The following AQP5 variants were observed in gnomAD, a reference collection of about 807,000 sequenced individuals.
AQP5 encodes the protein aquaporin-5.
Under a neutral mutation model 19.1 loss-of-function variants are expected in AQP5, and 15 were observed. That is an observed-to-expected ratio of 0.79 (90% CI 0.53 to 1.21). The LOEUF is 1.21. Among genes scored for constraint, AQP5 ranks in the 50% most tolerant of loss-of-function variants. The pLI is 0.00. For missense variants in AQP5, 355 were observed against 357.1 expected (o/e 0.99, Z 0.05); for synonymous variants, 182 against 160.3 (o/e 1.14, Z -1.02).
chr12:49,965,273 C>T lies in AQP5; in HGVS notation c.*96C>T. The T allele has an allele frequency of 7.2e-7, 1 of 1,379,558 alleles. No homozygotes were observed. Among genetic ancestry groups the T allele is most frequent in the Non-Finnish European group, 9.5e-7 (1 of 1,047,194 alleles). 85.5% of individuals were successfully genotyped at this position (1,379,558 alleles called of 1,614,324 possible). On this transcript the variant is annotated 3_prime_UTR_variant, in exon 4 of 4. Transcript: ENST00000293599. The stretch of plus-strand genomic sequence containing the variant: ...AAGCTTCCTTTTTGCACAACCGGTC[C>T]TCTTGGCTGAGGAGGAGGAGCTGGT...
rs893418812 is a variant in AQP5 at position 49,963,485 on chromosome 12, C to T, written c.364-7C>T. 1.2e-6 allele frequency: 2 copies of T among 1,613,538 alleles called. No homozygotes were observed. The highest frequency in any genetic ancestry group is 1.7e-5 in the Admixed American group (1 of 60,026). On this transcript the variant is annotated splice_polypyrimidine_tract_variant and splice_region_variant and intron_variant, in intron 1 of 3. Transcript: ENST00000293599. ...GGCCGGGGTCCTAACCCGCTATCCC[C>T]TTGCAGCTCAACAACAACACAACGC...
rs762076378 is a variant in AQP5 at position 49,962,073 on chromosome 12, T to G, written c.56T>G (p.Leu19Trp). 6.2e-7 allele frequency: 1 copy of G among 1,612,478 alleles called. No homozygotes were observed. The highest frequency in any genetic ancestry group is 8.5e-7 in the Non-Finnish European group (1 of 1,178,928). Residue 19 changes from leucine to tryptophan, a missense_variant, in exon 1 of 4, where the codon TTG becomes TGG. Physicochemically the swap from Leu to Trp is moderately conservative, Grantham distance 61. Coordinates refer to ENST00000293599, the MANE Select transcript of AQP5 (RefSeq NM_001651.4). ...CTCAAGGCCGTGTTCGCAGAGTTCT[T>G]GGCCACCCTCATCTTCGTCTTCTTT... ...AFLKAVFAEF[L>W]ATLIFVFFGL... is the part of the protein sequence containing the mutation.
Position 49,965,063 on chromosome 12 carries a change from C to G in AQP5, c.684C>G (p.Asn228Lys). 1 of 1,614,090 alleles carries G rather than the reference C, an allele frequency of 6.2e-7. No individual in the cohort carries two copies. The highest frequency in any genetic ancestry group is 2.2e-5 in the East Asian group (1 of 44,864). The change falls in exon 4 of 4, where the codon AAC (asparagine) becomes AAG (lysine). Residue 228 changes from asparagine to lysine, a missense_variant. Coordinates refer to ENST00000293599, the MANE Select transcript of AQP5 (RefSeq NM_001651.4). The part of the protein sequence containing the change: ...AILYFYLLFP[N>K]SLSLSERVAI... ...TTTACTTCTACCTGCTCTTCCCCAA[C>G]TCCCTGAGCCTGAGTGAGCGTGTGG... is the stretch of plus-strand genomic sequence containing the variant.
rs139421403 is a variant in AQP5, at chr12:49,965,146, G to A, written c.767G>A (p.Arg256Gln). Residue 256 changes from arginine (R) to glutamine (Q), a missense_variant, in exon 4 of 4, where the codon CGG (arginine) becomes CAG (glutamine). By Grantham distance (43) the Arg-to-Gln change is conservative. Coordinates refer to ENST00000293599, the MANE Select transcript of AQP5 (RefSeq NM_001651.4). ...GACTGGGAGGAGCAGCGGGAAGAGC[G>A]GAAGAAGACCATGGAGCTGACCACC... ...DEDWEEQREE[R>Q]KKTMELTTR is the part of the protein sequence containing the mutation. The A allele has an allele frequency of 6.1e-4, 991 of 1,613,106 alleles. 9 individuals are homozygous for A. The highest frequency in any genetic ancestry group is 6.5e-4 in the East Asian group (29 of 44,868).
Position 49,961,889 on chromosome 12 carries a change from G to A in AQP5, c.-129G>A. On this transcript the variant is annotated 5_prime_UTR_variant, in exon 1 of 4. In the 5' UTR this introduces an upstream ATG that the reference lacks. Transcript: ENST00000293599. ...CCCGCGCCAGGCCGCCAGCCTCGGA[G>A]TGGGCGCGGGACAGTGCGCGGCGCC... The A allele has an allele frequency of 4.8e-6, 2 of 420,614 alleles. No individual in the cohort carries two copies. The highest frequency in any genetic ancestry group is 6.6e-6 in the Non-Finnish European group (2 of 303,276). 26.1% of individuals were successfully genotyped at this position (420,614 alleles called of 1,614,324 possible). A position where few individuals can be genotyped will look rare whatever the true frequency, so the allele number is the denominator to read the frequency against.
At chr12:49,963,910 G>T (rs1275906012) in intron 2 of AQP5, 182 bp from the exon 3 acceptor site, 1 of 752,378 alleles carries the variant, frequency 1.3e-6, no homozygotes, top group Non-Finnish European at 2.1e-6. Flanking sequence ...AGAGAAGAGA[G>T]GAGGGCGTAG....
intron 1 of AQP5, 154 bp downstream of exon 1, chr12:49,962,534 T>TCCCAAGGCCAGGAAGGCAGGAGC (rs1262546880): frequency 1.0e-6 from 1 of 974,746 alleles, no homozygotes; most frequent in African/African-American, 1.7e-5. Context: ...GGAAGGCAAC[T>TCCCAAGGCCAGGAAGGCAGGAGC]CTCCAGGCTG....
intron 3 of AQP5, 52 bp from the exon 4 acceptor site, chr12:49,964,940 G>A (rs1241404030): frequency 3.8e-6 from 6 of 1,571,262 alleles, no homozygotes; most frequent in Non-Finnish European, 5.2e-6. Context: ...GGGGGCATGT[G>A]GTCTTCAAGG....
At position 49,962,023 on chromosome 12, in the gene AQP5, G is replaced by A. The variant is rs1947428637; in HGVS notation, c.6G>A (p.Lys2=). ...GCCGGGCCCCCGCGGCCACCATGAA[G>A]AAGGAGGTGTGCTCCGTGGCCTTCC... M[K]KEVCSVAFLK... The change falls in exon 1 of 4, where the codon AAG becomes AAA. Residue 2 remains lysine, a synonymous_variant. Transcript: ENST00000293599. 2 of 1,490,796 alleles carry A rather than the reference G, an allele frequency of 1.3e-6. No individual in the cohort carries two copies. The highest frequency in any genetic ancestry group is 2.6e-5 in the East Asian group (1 of 38,080). The allele number at this position is 1,490,796 out of a possible 1,614,324, so 92.3% of individuals were successfully genotyped here.
chr12:49,964,044 A>G (rs891401654), intron 2 of AQP5, 48 bp from the exon 3 acceptor site: 21 of 1,540,006 alleles, frequency 1.4e-5, no homozygotes, highest in Non-Finnish European at 1.9e-5. Flanking sequence ...ATTCTGTGGG[A>G]GTGGACCAGG....
At chr12:49,964,957 G>A (rs1167809373) in intron 3 of AQP5, 35 bp from the exon 4 acceptor site, 3 of 1,593,354 alleles carry the variant, frequency 1.9e-6, no homozygotes, top group Non-Finnish European at 2.6e-6. Context: ...AAGGTCTGGG[G>A]CTCAGCGCCC....
chr12:49,965,318 G>A lies in AQP5; in HGVS notation c.*141G>A, dbSNP rs976752165. On this transcript the variant is annotated 3_prime_UTR_variant, in exon 4 of 4. Transcript: ENST00000293599. ...GCTGGTCACCCTGGCTGCACAGTTA[G>A]AGAGGGGAGAAGGAACCCATGATGG... 6 of 1,073,676 alleles carry A rather than the reference G, an allele frequency of 5.6e-6. No homozygotes were observed. The highest frequency in any genetic ancestry group is 7.8e-6 in the Non-Finnish European group (6 of 774,072). 66.5% of individuals were successfully genotyped at this position (1,073,676 alleles called of 1,614,324 possible).
intron 1 of AQP5, 190 bp downstream of exon 1, chr12:49,962,570 C>T (rs1947441899): frequency 1.4e-6 from 1 of 698,248 alleles, no homozygotes; most frequent in Admixed American, 4.1e-5. Context: ...CTGCCCACCT[C>T]CTCTCCCCCT....
Position 49,962,389 on chromosome 12 carries a change from C to CAGCAAT in AQP5, c.363+9_363+10insAGCAAT. 1 of 1,414,976 alleles carries CAGCAAT rather than the reference C, an allele frequency of 7.1e-7. No individual in the cohort carries two copies. The highest frequency in any genetic ancestry group is 2.9e-5 in the East Asian group (1 of 34,378). The allele number at this position is 1,414,976 out of a possible 1,614,324, so 87.7% of individuals were successfully genotyped here. A position where few individuals can be genotyped will look rare whatever the true frequency, so the allele number is the denominator to read the frequency against. Reference sequence around the variant, plus strand: ...ATCTGGCCGTCAACGCGGTGAGTGCCCTGGGGGGGGGGTGGGAGCCTCGAC... The same window carrying CAGCAAT: ...ATCTGGCCGTCAACGCGGTGAGTGCCAGCAATCTGGGGGGGGGGTGGGAGCCTCGAC... On this transcript the variant is annotated intron_variant, in intron 1 of 3. Transcript: ENST00000293599.
In AQP5 at chr12:49,963,542, G is replaced by A; in HGVS notation, c.414G>A (p.Leu138=). The change falls in exon 2 of 4, where the codon CTG becomes CTA. Residue 138 remains leucine (L), a synonymous_variant. Coordinates refer to ENST00000293599, the MANE Select transcript of AQP5 (RefSeq NM_001651.4). ...QGQAMVVELI[L]TFQLALCIFA... ...AGGCCATGGTGGTGGAGCTGATTCT[G>A]ACCTTCCAGCTGGCACTCTGCATCT... 1 of 1,613,940 alleles carries A rather than the reference G, an allele frequency of 6.2e-7. No individual in the cohort carries two copies. Among genetic ancestry groups the A allele is most frequent in the Non-Finnish European group, 8.5e-7 (1 of 1,180,026 alleles).
chr12:49,962,479 C>T (rs1222939821), intron 1 of AQP5, 99 bp downstream of exon 1: 2 of 1,028,004 alleles, frequency 1.9e-6, no homozygotes, highest in Admixed American at 3.6e-5. Flanking sequence ...GCAGAGTGGG[C>T]CAGCCCACAC....
intron 1 of AQP5, 94 bp downstream of exon 1, chr12:49,962,474 G>A: frequency 6.9e-7 from 1 of 1,446,988 alleles, no homozygotes; most frequent in Non-Finnish European, 9.0e-7. Context: ...GTGCCGCAGA[G>A]TGGGCCAGCC....
intron 3 of AQP5, 196 bp from the exon 4 acceptor site, chr12:49,964,796 C>A (rs1423778532): frequency 5.7e-5 from 56 of 985,260 alleles, no homozygotes; most frequent in Non-Finnish European, 6.4e-5. Flanking sequence ...TGTCTGTGGT[C>A]CATGTCTCTG....
intron 3 of AQP5, chr12:49,964,513 G>T: frequency 2.2e-6 from 1 of 452,644 alleles, no homozygotes; most frequent in Non-Finnish European, 2.9e-6. Context: ...GGTCCTCTCT[G>T]ATGTTTTATT....
Sources: gnomAD v4.1 joint callset for allele counts on GRCh38, gnomAD v4.1.1 for gene constraint, MANE v1.5 for transcripts, NCBI Gene and HGNC (gene_info 2026-07-23, HGNC 2026-07-21) for gene names.